TRPM3: variants seen among roughly 807,000 people sequenced by gnomAD.
The protein encoded by TRPM3 is long transient receptor potential channel 3.
Under a neutral mutation model 181.2 loss-of-function variants are expected in TRPM3, and 77 were observed. That is an observed-to-expected ratio of 0.42 (90% CI 0.35 to 0.51). TRPM3 has a LOEUF of 0.51. Among genes scored for constraint, TRPM3 ranks in the 20% least tolerant of loss-of-function variants. The pLI, the probability that TRPM3 is intolerant of heterozygous loss-of-function variation, is 0.01. For missense variants in TRPM3, 1,759 were observed against 2,196.7 expected (o/e 0.80, Z 3.98); for synonymous variants, 745 against 796.4 (o/e 0.94, Z 1.09).
intron 1 of TRPM3, among the ~76,000 whole-genome samples, chr9:71,364,571 T>A (rs1013194359): frequency 3.9e-5 from 6 of 152,216 alleles, no homozygotes; most frequent in Non-Finnish European, 8.8e-5. Flanking sequence ...GAATCATAAA[T>A]CCTCTTAGAA....
chr9:71,375,337 C>A (rs901663057), intron 1 of TRPM3, among the ~76,000 whole-genome samples: 1 of 152,154 alleles, frequency 6.6e-6, no homozygotes, highest in Non-Finnish European at 1.5e-5. Flanking sequence ...AAAACTGAAA[C>A]TGGACCCCTT....
intron 1 of TRPM3, among the ~76,000 whole-genome samples, chr9:71,081,174 A>C (rs923632855): frequency 1.3e-5 from 2 of 152,228 alleles, no homozygotes; most frequent in African/African-American, 4.8e-5. Context: ...CTTTACAAGT[A>C]TAAAGAGGAG....
At chr9:70,634,731 G>A (rs868528247) in intron 12 of TRPM3, among the ~76,000 whole-genome samples, 1 of 152,142 alleles carries the variant, frequency 6.6e-6, no homozygotes, top group Non-Finnish European at 1.5e-5. Context: ...AAAATAGAAT[G>A]TTAGAAGAAT....
intron 1 of TRPM3, among the ~76,000 whole-genome samples, chr9:71,009,320 A>T (rs2097711642): frequency 6.6e-6 from 1 of 152,232 alleles, no homozygotes; most frequent in Non-Finnish European, 1.5e-5. Context: ...TTTGAAGATG[A>T]CATGATCATA....
At chr9:71,088,215 A>G (rs2065620040) in intron 1 of TRPM3, among the ~76,000 whole-genome samples, 1 of 152,128 alleles carries the variant, frequency 6.6e-6, no homozygotes, top group Non-Finnish European at 1.5e-5. Flanking sequence ...TTTATGAACT[A>G]ATATTACGCA....
At chr9:71,373,712 G>A (rs1337915112) in intron 1 of TRPM3, among the ~76,000 whole-genome samples, 1 of 151,930 alleles carries the variant, frequency 6.6e-6, no homozygotes, top group Non-Finnish European at 1.5e-5. Context: ...AGAAGAGCTG[G>A]TACCATTTCT....
intron 1 of TRPM3, among the ~76,000 whole-genome samples, chr9:71,191,580 G>T (rs557092690): frequency 6.6e-6 from 1 of 151,742 alleles, no homozygotes; most frequent in Admixed American, 6.6e-5. Flanking sequence ...CTACCCAAAT[G>T]TCTGGACTCC....
At chr9:71,437,673 G>T (rs188671083) in intron 1 of TRPM3, among the ~76,000 whole-genome samples, 81 of 152,052 alleles carry the variant, frequency 5.3e-4, no homozygotes, top group African/African-American at 1.9e-3. Flanking sequence ...TTTGAGACCA[G>T]CCTGGCCAAC....
intron 1 of TRPM3, among the ~76,000 whole-genome samples, chr9:71,263,508 T>C (rs1163703490): frequency 6.6e-6 from 1 of 152,214 alleles, no homozygotes; most frequent in Non-Finnish European, 1.5e-5. Flanking sequence ...AGGGCACTTA[T>C]TACAGATCTC....
intron 1 of TRPM3, among the ~76,000 whole-genome samples, chr9:71,107,109 G>A (rs1565209938): frequency 6.6e-6 from 1 of 152,100 alleles, no homozygotes; most frequent in Admixed American, 6.6e-5. Context: ...AAACAAGAAT[G>A]AGCTGTACAT....
chr9:70,899,604 A>G (rs1308702237), intron 1 of TRPM3, among the ~76,000 whole-genome samples: 1 of 152,182 alleles, frequency 6.6e-6, no homozygotes, highest in Middle Eastern at 3.2e-3. Context: ...CTGTCTTGCA[A>G]AACTTTTAAT....
chr9:71,153,649 C>G (rs569205115), intron 1 of TRPM3, among the ~76,000 whole-genome samples: 50 of 152,182 alleles, frequency 3.3e-4, no homozygotes, highest in African/African-American at 1.2e-3. Context: ...TCCCTGCTGA[C>G]TCTACTTTTA....
chr9:71,134,266 T>C (rs112467829), intron 1 of TRPM3, among the ~76,000 whole-genome samples: 239 of 152,212 alleles, frequency 1.6e-3, no homozygotes, highest in African/African-American at 5.5e-3. Flanking sequence ...TTTCCAAATA[T>C]TCTTAAAAGA....
intron 1 of TRPM3, among the ~76,000 whole-genome samples, chr9:71,335,342 C>A (rs913871021): frequency 1.3e-5 from 2 of 151,874 alleles, no homozygotes; most frequent in Non-Finnish European, 2.9e-5. Context: ...TTTCAATATA[C>A]CAGAAGACTA....
chr9:71,266,211 C>A (rs2132100764), intron 1 of TRPM3, among the ~76,000 whole-genome samples: 1 of 152,318 alleles, frequency 6.6e-6, no homozygotes, highest in African/African-American at 2.4e-5. Flanking sequence ...TGGGTTCTTG[C>A]CTTCACTTTA....
intron 9 of TRPM3, among the ~76,000 whole-genome samples, chr9:70,646,891 A>C (rs1243321582): frequency 2.0e-5 from 3 of 151,024 alleles, no homozygotes; most frequent in African/African-American, 2.4e-5. Context: ...AAAAAAAAAA[A>C]CCCTCAGAGT....
chr9:71,201,017 G>T (rs1285576628), intron 1 of TRPM3, among the ~76,000 whole-genome samples: 4 of 152,138 alleles, frequency 2.6e-5, no homozygotes, highest in East Asian at 3.8e-4. Context: ...GGTACTGGTT[G>T]TTCCTTTCCA....
At chr9:70,980,353 C>A (rs2097352631) in intron 1 of TRPM3, among the ~76,000 whole-genome samples, 1 of 151,784 alleles carries the variant, frequency 6.6e-6, no homozygotes, top group East Asian at 1.9e-4. Context: ...GCAGCATGAT[C>A]ACAGTCAGAA....
chr9:71,326,786 A>G (rs943524642), intron 1 of TRPM3, among the ~76,000 whole-genome samples: 5 of 152,062 alleles, frequency 3.3e-5, no homozygotes, highest in Admixed American at 3.3e-4. Context: ...ATCCTCAGCA[A>G]CTCTGGGGCC....
Sources: allele counts gnomAD v4.1 joint callset (sites outside exome capture counted in the v4.1 genomes callset), GRCh38; gene constraint gnomAD v4.1.1; transcripts MANE v1.5; gene names NCBI Gene and HGNC (gene_info 2026-07-23, HGNC 2026-07-21).